Variants in NEK10 observed in about 807,000 individuals in gnomAD.
The protein encoded by NEK10 is serine/threonine-protein kinase Nek10.
A neutral mutation model predicts 159.8 loss-of-function variants in NEK10; 122 were observed. That is an observed-to-expected ratio of 0.76 (90% confidence interval 0.66 to 0.89). The LOEUF is 0.89. NEK10 is among the 40% of genes least tolerant of loss of function. The pLI, the probability that NEK10 is intolerant of heterozygous loss-of-function variation, is 0.00. For synonymous variants in NEK10, 466 were observed against 457.1 expected (o/e 1.02, Z -0.25); for missense variants, 1,342 against 1,323.1 (o/e 1.01, Z -0.22).
intron 1 of NEK10, among the ~76,000 whole-genome samples, chr3:27,362,372 C>T (rs758146626): frequency 1.3e-5 from 2 of 152,106 alleles, no homozygotes; most frequent in Non-Finnish European, 2.9e-5. Context: ...GGAAGCAATG[C>T]TATTCTTGGA....
intron 29 of NEK10, among the ~76,000 whole-genome samples, chr3:27,165,523 GA>G (rs1393241985): frequency 6.6e-6 from 1 of 152,190 alleles, no homozygotes; most frequent in East Asian, 1.9e-4. Flanking sequence ...AGTTTCTGGT[GA>G]AGAGGCTTAA....
chr3:27,159,117 G>T (rs1945770959), intron 30 of NEK10, among the ~76,000 whole-genome samples: 1 of 152,080 alleles, frequency 6.6e-6, no homozygotes, highest in Non-Finnish European at 1.5e-5. Flanking sequence ...TAGTCCAGTA[G>T]GAAACGTATT....
chr3:27,244,397 T>C (rs1954854549), intron 23 of NEK10, among the ~76,000 whole-genome samples: 1 of 152,200 alleles, frequency 6.6e-6, no homozygotes, highest in African/African-American at 2.4e-5. Context: ...ATTGTGTCTG[T>C]TATTAACTTA....
intron 25 of NEK10, among the ~76,000 whole-genome samples, chr3:27,197,234 G>A (rs9820391): frequency 0.63 from 95,964 of 151,844 alleles, 31,864 homozygotes; most frequent in African/African-American, 0.85. Flanking sequence ...AGAGTGCAAC[G>A]GCTCAATCTC....
chr3:27,361,155 T>C (rs928059618), intron 1 of NEK10, among the ~76,000 whole-genome samples: 1 of 152,210 alleles, frequency 6.6e-6, no homozygotes, highest in African/African-American at 2.4e-5. Flanking sequence ...CCCTATTTTC[T>C]GATTTATTCT....
intron 3 of NEK10, among the ~76,000 whole-genome samples, chr3:27,350,595 A>C (rs977786135): frequency 3.9e-5 from 6 of 152,158 alleles, no homozygotes; most frequent in Admixed American, 2.6e-4. Context: ...CTATTTTCTG[A>C]ATAACTCAAG....
At chr3:27,307,067 G>A (rs2044301337) in intron 11 of NEK10, among the ~76,000 whole-genome samples, 1 of 152,002 alleles carries the variant, frequency 6.6e-6, no homozygotes, top group African/African-American at 2.4e-5. Flanking sequence ...AGCACTGTTT[G>A]ACCCTCTTCT....
chr3:27,153,344 G>C (rs1252243577), intron 30 of NEK10, among the ~76,000 whole-genome samples: 1 of 149,692 alleles, frequency 6.7e-6, no homozygotes, highest in African/African-American at 2.5e-5. Flanking sequence ...AAAGAAATGA[G>C]ACAGACAGTA....
At chr3:27,317,026 G>A (rs950622525) in intron 6 of NEK10, among the ~76,000 whole-genome samples, 1 of 152,198 alleles carries the variant, frequency 6.6e-6, no homozygotes, top group Non-Finnish European at 1.5e-5. Context: ...TAAAGTTTGA[G>A]AAGTGCTGCT....
intron 32 of NEK10, 83 bp downstream of exon 32, chr3:27,131,797 G>T (rs1195780398): frequency 1.6e-6 from 1 of 636,998 alleles, no homozygotes; most frequent in African/African-American, 1.8e-5. Context: ...AGAGCTTAAA[G>T]TACGAAGTAA....
chr3:27,182,984 A>T (rs1948271471), intron 26 of NEK10, among the ~76,000 whole-genome samples: 1 of 152,070 alleles, frequency 6.6e-6, no homozygotes, highest in South Asian at 2.1e-4. Flanking sequence ...ACAGTAAGAT[A>T]AAAGGAATAA....
chr3:27,365,094 C>T (rs2048962547), intron 1 of NEK10, among the ~76,000 whole-genome samples: 1 of 152,164 alleles, frequency 6.6e-6, no homozygotes. Flanking sequence ...TTATCCAGCT[C>T]TCTATTCACC....
At chr3:27,178,952 G>A (rs952771076) in intron 26 of NEK10, among the ~76,000 whole-genome samples, 1 of 152,118 alleles carries the variant, frequency 6.6e-6, no homozygotes, top group Non-Finnish European at 1.5e-5. Context: ...TTGTTTTTTA[G>A]AAATAGGTTC....
chr3:27,162,554 T>G, intron 30 of NEK10, 147 bp downstream of exon 30: 3 of 1,614,124 alleles, frequency 1.9e-6, no homozygotes, highest in Non-Finnish European at 2.5e-6. Flanking sequence ...ATGTGGGCCC[T>G]GAGCATGTGG....
intron 22 of NEK10, among the ~76,000 whole-genome samples, chr3:27,264,169 T>G (rs2040676750): frequency 6.6e-6 from 1 of 152,150 alleles, no homozygotes; most frequent in South Asian, 2.1e-4. Flanking sequence ...ACACTGCCAA[T>G]ATAGAAAAAT....
chr3:27,141,618 C>A, intron 30 of NEK10, 36 bp from the exon 31 acceptor site: 1 of 1,508,506 alleles, frequency 6.6e-7, no homozygotes, highest in Non-Finnish European at 9.1e-7. Context: ...GTCAAGTTCT[C>A]TTTCAAAAGT....
chr3:27,300,640 C>G (rs900686907), intron 13 of NEK10, among the ~76,000 whole-genome samples: 2 of 152,182 alleles, frequency 1.3e-5, no homozygotes, highest in Non-Finnish European at 2.9e-5. Context: ...TGCCCCTTCT[C>G]AGGCACTCAC....
rs552561861 is a variant in NEK10 at position 27,241,139 on chromosome 3, A to T, written c.2090+15157T>A. ...GAAAATCTAAAAACAGACTTCAGGGACATCTTTAAAGACTTCCAAATATTC... is the reference window on the plus strand; with the variant it reads ...GAAAATCTAAAAACAGACTTCAGGGTCATCTTTAAAGACTTCCAAATATTC... On this transcript the variant is annotated intron_variant, in intron 23 of 35. Coordinates refer to ENST00000691995, the MANE Select transcript of NEK10 (RefSeq NM_001394966.1). 1.4e-4 allele frequency among the ~76,000 whole-genome samples: 22 copies of T among 152,286 alleles called. No individual in the cohort carries two copies. The East Asian group carries it at 3.7e-3, about 25-fold the overall frequency.
chr3:27,134,679 A>G (rs899172020), intron 31 of NEK10, among the ~76,000 whole-genome samples: 3 of 152,176 alleles, frequency 2.0e-5, no homozygotes, highest in Admixed American at 1.3e-4. Context: ...GTAAGTTAAC[A>G]TTCAGTCAAC....
Sources: gnomAD v4.1 joint callset for allele counts (sites outside exome capture counted in the v4.1 genomes callset) on GRCh38, gnomAD v4.1.1 for gene constraint, MANE v1.5 for transcripts, NCBI Gene and HGNC (gene_info 2026-07-23, HGNC 2026-07-21) for gene names.